Variants in PAPPA2 observed in about 807,000 individuals in gnomAD.
The protein encoded by PAPPA2 is pappalysin-2.
A neutral mutation model predicts 176.4 loss-of-function variants in PAPPA2; 86 were observed. The observed-to-expected ratio is 0.49, with a 90% CI of 0.41 to 0.58. PAPPA2 has a LOEUF of 0.58. Ranked by LOEUF, PAPPA2 falls within the 20% of genes least tolerant of loss-of-function variation. The pLI is 0.00. For missense variants in PAPPA2, 2,073 were observed against 2,256.9 expected, an observed-to-expected ratio of 0.92 and a Z score of 1.65; for synonymous variants, 809 against 852.2, an observed-to-expected ratio of 0.95 and a Z score of 0.88.
chr1:176,532,848 C>T (rs1218164662), intron 1 of PAPPA2, among the ~76,000 whole-genome samples: 2 of 152,204 alleles, frequency 1.3e-5, no homozygotes, highest in African/African-American at 4.8e-5. Flanking sequence ...TGATGCTCAG[C>T]ATCAGTATAA....
At chr1:176,801,290 A>T (rs1381675680) in intron 21 of PAPPA2, among the ~76,000 whole-genome samples, 1 of 152,088 alleles carries the variant, frequency 6.6e-6, no homozygotes, top group Non-Finnish European at 1.5e-5. Context: ...AGACCCCTTT[A>T]ACTGCCCTGA....
At position 176,595,329 on chromosome 1, in the gene PAPPA2, C is replaced by T. The variant is rs959030331; in HGVS notation, c.1725C>T (p.Ser575=). The T allele has an allele frequency of 5.0e-6, 8 of 1,614,020 alleles. No homozygotes were observed. In the African/African-American group the frequency reaches 8.0e-5, roughly 16 times the overall value. The change falls in exon 3 of 23, where the codon TCC becomes TCT. Residue 575 remains serine (S), a synonymous_variant. Coordinates refer to ENST00000367662, the MANE Select transcript of PAPPA2 (RefSeq NM_020318.3). ...TGAGCGTCCACCAGGTCCACAATTC[C>T]ACCCTGCGACACCGGGTTGTGCTTG... ...WQLSVHQVHN[S]TLRHRVVLVN... is the part of the protein sequence containing the mutation.
chr1:176,519,397 G>A (rs1649091936), intron 1 of PAPPA2, among the ~76,000 whole-genome samples: 1 of 152,176 alleles, frequency 6.6e-6, no homozygotes. Flanking sequence ...GGGGCTGGTG[G>A]AAGTGAAGGA....
At chr1:176,616,425 C>A in intron 3 of PAPPA2, 1 of 638,778 alleles carries the variant, frequency 1.6e-6, no homozygotes. Flanking sequence ...TTTCATTCCA[C>A]CTTCAACTGA....
At chr1:176,693,677 G>C (rs1385704867) in intron 6 of PAPPA2, among the ~76,000 whole-genome samples, 1 of 152,150 alleles carries the variant, frequency 6.6e-6, no homozygotes, top group Non-Finnish European at 1.5e-5. Flanking sequence ...TACATACTTA[G>C]TGTGTGACAC....
chr1:176,717,807 A>G (rs1382459786), intron 12 of PAPPA2, among the ~76,000 whole-genome samples: 2 of 152,264 alleles, frequency 1.3e-5, no homozygotes, highest in Admixed American at 6.5e-5. Context: ...TTAAACTAAC[A>G]TAAGATATTT....
intron 17 of PAPPA2, among the ~76,000 whole-genome samples, chr1:176,785,917 T>TATG (rs1305778518): frequency 6.6e-6 from 1 of 152,176 alleles, no homozygotes; most frequent in Admixed American, 6.5e-5. Flanking sequence ...GAAGTCAAAA[T>TATG]ATGATCGTCC....
chr1:176,715,238 C>T (rs187903353), intron 12 of PAPPA2, among the ~76,000 whole-genome samples: 143 of 152,308 alleles, frequency 9.4e-4, no homozygotes, highest in African/African-American at 3.4e-3. Flanking sequence ...TCTAATCTAA[C>T]TCTAGTTGCC....
intron 12 of PAPPA2, among the ~76,000 whole-genome samples, chr1:176,720,579 A>G (rs954439540): frequency 3.3e-5 from 5 of 151,774 alleles, no homozygotes; most frequent in African/African-American, 1.2e-4. Flanking sequence ...GTGATTTCTC[A>G]TTCTATTAGT....
At chr1:176,467,029 G>C (rs1651657588) in intron 1 of PAPPA2, among the ~76,000 whole-genome samples, 2 of 152,254 alleles carry the variant, frequency 1.3e-5, no homozygotes, top group South Asian at 4.1e-4. Flanking sequence ...TGCATCGTTA[G>C]GTGATTTCAT....
intron 1 of PAPPA2, among the ~76,000 whole-genome samples, chr1:176,508,263 A>G (rs989997670): frequency 6.6e-6 from 1 of 152,198 alleles, no homozygotes; most frequent in Admixed American, 6.5e-5. Context: ...AAAACAGGAA[A>G]ATATGATTCC....
At chr1:176,525,340 T>C (rs1189339790) in intron 1 of PAPPA2, among the ~76,000 whole-genome samples, 1 of 152,214 alleles carries the variant, frequency 6.6e-6, no homozygotes, top group East Asian at 1.9e-4. Context: ...ATACTCACAA[T>C]TGGTGCATTT....
intron 21 of PAPPA2, among the ~76,000 whole-genome samples, chr1:176,801,944 C>G (rs368428680): frequency 6.6e-6 from 1 of 152,072 alleles, no homozygotes; most frequent in South Asian, 2.1e-4. Context: ...GGAACAAAAG[C>G]TCCATGTCTC....
At position 176,475,959 on chromosome 1, in the gene PAPPA2, C is replaced by T. The variant is rs147257753; in HGVS notation, c.-917+12541C>T. ...CAATAATAATTACTGGGCTTGCAGG[C>T]AGTGTGCAATTTTTCAATATTAGTA... is the stretch of plus-strand genomic sequence containing the variant. On this transcript the variant is annotated intron_variant, in intron 1 of 22. Transcript: ENST00000367662. 2.6e-5 allele frequency among the ~76,000 whole-genome samples: 4 copies of T among 152,252 alleles called. No homozygotes were observed. In the East Asian group the frequency reaches 7.7e-4, roughly 29 times the overall value.
chr1:176,838,338 A>G (rs1667353681), intron 21 of PAPPA2, among the ~76,000 whole-genome samples: 1 of 152,204 alleles, frequency 6.6e-6, no homozygotes, highest in Non-Finnish European at 1.5e-5. Context: ...TGAAGACCAG[A>G]CTTATACATG....
At chr1:176,484,622 C>T (rs1186370366) in intron 1 of PAPPA2, among the ~76,000 whole-genome samples, 1 of 152,162 alleles carries the variant, frequency 6.6e-6, no homozygotes. Flanking sequence ...TCAGCCATGT[C>T]TAGTCTACTG....
At chr1:176,533,314 T>G (rs1649910621) in intron 1 of PAPPA2, among the ~76,000 whole-genome samples, 1 of 152,230 alleles carries the variant, frequency 6.6e-6, no homozygotes, top group South Asian at 2.1e-4. Flanking sequence ...AGTACATGGT[T>G]CTGCTTGAAA....
chr1:176,699,018 C>T, intron 7 of PAPPA2, 82 bp from the exon 8 acceptor site: 1 of 1,473,864 alleles, frequency 6.8e-7, no homozygotes, highest in South Asian at 1.3e-5. Flanking sequence ...TCCATAGTTC[C>T]TCTTTCTGGC....
At chr1:176,607,363 A>G (rs1002368579) in intron 3 of PAPPA2, among the ~76,000 whole-genome samples, 3 of 152,142 alleles carry the variant, frequency 2.0e-5, no homozygotes, top group Admixed American at 2.0e-4. Flanking sequence ...CTTCATATCT[A>G]CTTCCACACT....
Sources: gnomAD v4.1 joint callset for allele counts (sites outside exome capture counted in the v4.1 genomes callset) on GRCh38, gnomAD v4.1.1 for gene constraint, MANE v1.5 for transcripts, NCBI Gene and HGNC (gene_info 2026-07-23, HGNC 2026-07-21) for gene names.